DCC: variants seen among roughly 807,000 people sequenced by gnomAD.
The protein encoded by DCC is DCC netrin 1 receptor.
DCC carries 58 observed loss-of-function variants against 172.5 expected under a neutral mutation model. The observed-to-expected ratio is 0.34, with a 90% CI of 0.27 to 0.42. The LOEUF (loss-of-function observed/expected upper bound fraction) is 0.42, where lower values mean the gene tolerates loss of function less well. Among genes scored for constraint, DCC ranks in the 10% least tolerant of loss-of-function variants. DCC has a pLI of 1.00. For missense variants in DCC, 1,740 were observed against 1,791.0 expected (o/e 0.97, Z 0.51); for synonymous variants, 709 against 644.5 (o/e 1.10, Z -1.52).
intron 1 of DCC, among the ~76,000 whole-genome samples, chr18:52,476,458 C>T (rs529027025): frequency 6.6e-4 from 100 of 152,202 alleles, no homozygotes; most frequent in Non-Finnish European, 1.1e-3. Context: ...TTTAATGTTG[C>T]GCAGATTATG....
Position 52,935,922 on chromosome 18 carries a change from G to T in DCC, c.985+10552G>T, listed in dbSNP as rs118131090. On this transcript the variant is annotated intron_variant, in intron 5 of 28. Transcript: ENST00000442544. ...TTAAATTTTACATATATCTGTAATT[G>T]CCCTTATTAACAGGACTCCTCAGTC... Among the ~76,000 whole-genome samples, 772 of 151,970 alleles carry T rather than the reference G, an allele frequency of 5.1e-3. 2 individuals carry two copies. The highest frequency in any genetic ancestry group is 8.2e-3 in the Non-Finnish European group (555 of 67,938).
chr18:53,385,242 G>A (rs1908080266), intron 15 of DCC, among the ~76,000 whole-genome samples: 1 of 152,116 alleles, frequency 6.6e-6, no homozygotes, highest in East Asian at 1.9e-4. Context: ...AGCAGGTCTT[G>A]TTCTTGTATG....
chr18:52,851,701 A>G (rs1480669244), intron 2 of DCC, among the ~76,000 whole-genome samples: 1 of 152,170 alleles, frequency 6.6e-6, no homozygotes, highest in Non-Finnish European at 1.5e-5. Context: ...GCTCAGCTAA[A>G]GCTAAATAGA....
chr18:53,303,215 A>G (rs996949260), intron 12 of DCC, among the ~76,000 whole-genome samples: 5 of 152,172 alleles, frequency 3.3e-5, no homozygotes, highest in African/African-American at 1.2e-4. Flanking sequence ...TCATCTTCCA[A>G]CTTATTTATT....
rs1488129199 is a variant in DCC at position 52,642,069 on chromosome 18, T to C, written c.92-109985T>C. On this transcript the variant is annotated intron_variant, in intron 1 of 28. Coordinates refer to ENST00000442544, the MANE Select transcript of DCC (RefSeq NM_005215.4). ...ATACTGTGGTGTGTGTGTGTATATA[T>C]ATATATATATACACACACACACACA... Among the ~76,000 whole-genome samples the C allele has an allele frequency of 9.5e-4, 9 of 9,426 alleles. No homozygotes were observed. In the South Asian group the frequency reaches 0.083, roughly 87 times the overall value. The allele number at this position is 9,426 out of a possible 152,430, so 6.2% of individuals were successfully genotyped here.
intron 5 of DCC, among the ~76,000 whole-genome samples, chr18:53,006,212 A>T (rs1258241679): frequency 6.6e-6 from 1 of 152,224 alleles, no homozygotes; most frequent in Non-Finnish European, 1.5e-5. Context: ...GTCTCATGAC[A>T]AACAAATAGA....
chr18:53,239,686 G>A (rs1245572349), intron 12 of DCC, among the ~76,000 whole-genome samples: 2 of 152,216 alleles, frequency 1.3e-5, no homozygotes, highest in East Asian at 1.9e-4. Context: ...GAATTCAAAT[G>A]TTTTGAATGC....
intron 1 of DCC, among the ~76,000 whole-genome samples, chr18:52,614,314 C>T (rs541895319): frequency 2.0e-5 from 3 of 152,280 alleles, no homozygotes; most frequent in Non-Finnish European, 2.9e-5. Flanking sequence ...TCAGTAGGAA[C>T]TCTGGCTACT....
intron 2 of DCC, among the ~76,000 whole-genome samples, chr18:52,763,204 A>G (rs1312666384): frequency 6.6e-6 from 1 of 152,230 alleles, no homozygotes; most frequent in Non-Finnish European, 1.5e-5. Flanking sequence ...TCATTTACTA[A>G]GATTTTACCT....
chr18:53,376,006 C>A (rs1355902146), intron 15 of DCC, among the ~76,000 whole-genome samples: 1 of 152,088 alleles, frequency 6.6e-6, no homozygotes, highest in Non-Finnish European at 1.5e-5. Context: ...GTGATTGCAA[C>A]TGGACCTCAG....
At chr18:53,099,590 C>T (rs2043134376) in intron 7 of DCC, among the ~76,000 whole-genome samples, 1 of 152,038 alleles carries the variant, frequency 6.6e-6, no homozygotes, top group Non-Finnish European at 1.5e-5. Flanking sequence ...AATTAACTTG[C>T]CCAGTTCTTT....
intron 7 of DCC, among the ~76,000 whole-genome samples, chr18:53,153,811 T>C (rs2144386530): frequency 6.6e-6 from 1 of 152,160 alleles, no homozygotes; most frequent in South Asian, 2.1e-4. Flanking sequence ...GCCTAGGCAA[T>C]TGCAGGGGGC....
intron 2 of DCC, among the ~76,000 whole-genome samples, chr18:52,884,464 A>G (rs2039540860): frequency 6.6e-6 from 1 of 151,550 alleles, no homozygotes; most frequent in Non-Finnish European, 1.5e-5. Flanking sequence ...CTGCTCAATC[A>G]GTTTTGCTAT....
chr18:52,434,524 G>A (rs1054350438), intron 1 of DCC, among the ~76,000 whole-genome samples: 5 of 152,084 alleles, frequency 3.3e-5, no homozygotes, highest in Non-Finnish European at 5.9e-5. Flanking sequence ...AAAATATACT[G>A]ATAAAACAGT....
chr18:53,425,301 G>A (rs959206288), intron 21 of DCC, among the ~76,000 whole-genome samples: 3 of 148,134 alleles, frequency 2.0e-5, no homozygotes, highest in Admixed American at 2.0e-4. Context: ...TACACCCCAA[G>A]ACCAACTCTT....
chr18:53,394,541 G>A (rs961806774), intron 17 of DCC, among the ~76,000 whole-genome samples: 3 of 151,822 alleles, frequency 2.0e-5, no homozygotes, highest in Admixed American at 1.3e-4. Flanking sequence ...TGTTTTATAT[G>A]AATTTCTATT....
At chr18:52,466,938 G>GGTT in intron 1 of DCC, among the ~76,000 whole-genome samples, 1 of 152,158 alleles carries the variant, frequency 6.6e-6, no homozygotes, top group Non-Finnish European at 1.5e-5. Flanking sequence ...AGCTTACACA[G>GGTT]GTTGTCAATG....
intron 26 of DCC, among the ~76,000 whole-genome samples, chr18:53,495,110 G>A (rs183868460): frequency 9.9e-5 from 15 of 151,996 alleles, no homozygotes; most frequent in Admixed American, 7.9e-4. Context: ...TTCTTTAAGA[G>A]GCCAGGCGTG....
chr18:52,370,762 A>C (rs1465364526), intron 1 of DCC, among the ~76,000 whole-genome samples: 2 of 152,282 alleles, frequency 1.3e-5, no homozygotes. Flanking sequence ...TTCAGAAAGC[A>C]ATAAGATTGA....
Sources: gnomAD v4.1 joint callset for allele counts (sites outside exome capture counted in the v4.1 genomes callset) on GRCh38, gnomAD v4.1.1 for gene constraint, MANE v1.5 for transcripts, NCBI Gene and HGNC (gene_info 2026-07-23, HGNC 2026-07-21) for gene names.